ATP10B: variants seen among roughly 807,000 people sequenced by gnomAD.
ATP10B encodes the protein ATPase phospholipid transporting 10B (putative).
A neutral mutation model predicts 141.2 loss-of-function variants in ATP10B; 122 were observed. That is an observed-to-expected ratio of 0.86 (90% confidence interval 0.75 to 1.00). The LOEUF is 1.00. ATP10B is among the 50% of genes least tolerant of loss of function. The probability of loss-of-function intolerance (pLI) is 0.00; values close to 1 mark genes in which losing one functional copy is unlikely to be tolerated. For synonymous variants in ATP10B, 685 were observed against 692.0 expected (o/e 0.99, Z 0.16); for missense variants, 1,876 against 1,825.3 (o/e 1.03, Z -0.51).
intron 1 of ATP10B, among the ~76,000 whole-genome samples, chr5:160,790,398 G>C (rs1771482120): frequency 2.0e-5 from 3 of 152,082 alleles, no homozygotes; most frequent in Admixed American, 2.0e-4. Flanking sequence ...TCTTAACCCT[G>C]GTTCCCAGTT....
At chr5:160,675,187 C>G (rs1762947429) in intron 6 of ATP10B, among the ~76,000 whole-genome samples, 1 of 152,200 alleles carries the variant, frequency 6.6e-6, no homozygotes, top group Non-Finnish European at 1.5e-5. Context: ...AACAGCTGCC[C>G]CAGGTGGAAA....
intron 22 of ATP10B, 75 bp downstream of exon 22, chr5:160,598,695 C>G (rs1756900949): frequency 1.4e-6 from 2 of 1,386,624 alleles, no homozygotes; most frequent in African/African-American, 1.4e-5. Flanking sequence ...AGCTCTTTCT[C>G]TGATGCCTCC....
intron 22 of ATP10B, among the ~76,000 whole-genome samples, chr5:160,596,909 G>A (rs150362318): frequency 0.053 from 8,035 of 152,236 alleles, 348 homozygotes; most frequent in East Asian, 0.22. Flanking sequence ...CAAAGAAGTG[G>A]AAGAACATTC....
At chr5:160,927,680 T>C in the ATP10B span, among the ~76,000 whole-genome samples, 5 of 152,348 alleles carry the variant, frequency 3.3e-5, no homozygotes, top group African/African-American at 1.2e-4. Flanking sequence ...AAGCCCCTGC[T>C]ATTATTAGAG....
the ATP10B span, among the ~76,000 whole-genome samples, chr5:160,907,948 G>A: frequency 6.6e-6 from 1 of 152,160 alleles, no homozygotes; most frequent in South Asian, 2.1e-4. Flanking sequence ...CTGCGCCTCA[G>A]TGATCTTGAA....
the ATP10B span, among the ~76,000 whole-genome samples, chr5:160,898,873 T>C: frequency 6.6e-6 from 1 of 152,060 alleles, no homozygotes; most frequent in Non-Finnish European, 1.5e-5. Context: ...GAAACCATCA[T>C]TCTGAGCAAA....
At position 160,620,743 on chromosome 5, in the gene ATP10B, A is replaced by T; in HGVS notation, c.2020T>A (p.Ser674Thr). 1.2e-6 allele frequency: 2 copies of T among 1,614,156 alleles called. No homozygotes were observed. The highest frequency in any genetic ancestry group is 8.5e-7 in the Non-Finnish European group (1 of 1,180,004). The change falls in exon 15 of 26, where the codon TCC (serine) becomes ACC (threonine). Residue 674 changes from serine (S) to threonine (T), a missense_variant. By Grantham distance (58) the Ser-to-Thr change is moderately conservative. Coordinates refer to ENST00000327245, the MANE Select transcript of ATP10B (RefSeq NM_025153.3). ...DDASVCSGGD[S>T]TDDGGYRSSM... ...CTCCTGTAGCCACCGTCATCAGTGG[A>T]GTCACCTCCACTGCACACAGATGCA...
At chr5:160,597,402 G>T (rs1756784207) in intron 22 of ATP10B, among the ~76,000 whole-genome samples, 1 of 152,070 alleles carries the variant, frequency 6.6e-6, no homozygotes, top group South Asian at 2.1e-4. Flanking sequence ...ATTCAAGATG[G>T]ATTAAAGACT....
the ATP10B span, among the ~76,000 whole-genome samples, chr5:160,925,495 C>T: frequency 6.6e-6 from 1 of 152,230 alleles, no homozygotes; most frequent in Non-Finnish European, 1.5e-5. Context: ...GTGCCAGCCA[C>T]TGTAAGCCAT....
At chr5:160,868,250 T>C in the ATP10B span, among the ~76,000 whole-genome samples, 6 of 152,128 alleles carry the variant, frequency 3.9e-5, no homozygotes, top group Non-Finnish European at 5.9e-5. Flanking sequence ...TCCTGGATTC[T>C]CTGGCTTCCT....
At chr5:160,908,646 G>A in the ATP10B span, among the ~76,000 whole-genome samples, 1 of 152,178 alleles carries the variant, frequency 6.6e-6, no homozygotes, top group Non-Finnish European at 1.5e-5. Context: ...GCCCTCAGCA[G>A]GAACACAATG....
intron 6 of ATP10B, among the ~76,000 whole-genome samples, chr5:160,678,564 C>G (rs1055813524): frequency 6.6e-6 from 1 of 152,184 alleles, no homozygotes; most frequent in Non-Finnish European, 1.5e-5. Flanking sequence ...GAGGCTGAGG[C>G]AGGAGAATCC....
At chr5:160,787,105 GACACACACACACACACACAC>G (rs58517660) in intron 1 of ATP10B, among the ~76,000 whole-genome samples, 164 of 133,658 alleles carry the variant, frequency 1.2e-3, no homozygotes, top group Non-Finnish European at 1.9e-3. Context: ...TTTTGACACA[GACACACACACACACACACAC>G]ACACACACAC....
At chr5:160,636,686 C>A (rs1759402153) in intron 10 of ATP10B, among the ~76,000 whole-genome samples, 1 of 152,026 alleles carries the variant, frequency 6.6e-6, no homozygotes, top group South Asian at 2.1e-4. Context: ...TGAGACCTGT[C>A]CCCTAGTCTT....
chr5:160,587,197 A>G (rs947352752), intron 24 of ATP10B, among the ~76,000 whole-genome samples: 2 of 152,306 alleles, frequency 1.3e-5, no homozygotes, highest in South Asian at 2.1e-4. Context: ...TCCCAGTACC[A>G]TTTATTAAAT....
intron 7 of ATP10B, among the ~76,000 whole-genome samples, chr5:160,655,897 C>T (rs528444710): frequency 1.5e-4 from 23 of 152,210 alleles, no homozygotes; most frequent in East Asian, 7.7e-4. Flanking sequence ...GTTCCCAGTC[C>T]GGCTCAGATG....
intron 24 of ATP10B, among the ~76,000 whole-genome samples, chr5:160,582,662 C>T (rs1378518802): frequency 6.6e-6 from 1 of 152,132 alleles, no homozygotes; most frequent in African/African-American, 2.4e-5. Flanking sequence ...TGGATAACAT[C>T]CTGAAGAGTG....
chr5:160,569,796 C>G (rs867107729), intron 24 of ATP10B, 113 bp from the exon 25 acceptor site: 5 of 853,080 alleles, frequency 5.9e-6, no homozygotes, highest in Non-Finnish European at 8.6e-6. Flanking sequence ...GCAAAACACA[C>G]AAAATTCAAA....
intron 7 of ATP10B, among the ~76,000 whole-genome samples, chr5:160,654,232 TG>T (rs1761311539): frequency 6.6e-6 from 1 of 151,882 alleles, no homozygotes; most frequent in Non-Finnish European, 1.5e-5. Flanking sequence ...CCCACAGTGC[TG>T]GGATTACAGG....
Sources: gnomAD v4.1 joint callset for allele counts (sites outside exome capture counted in the v4.1 genomes callset) on GRCh38, gnomAD v4.1.1 for gene constraint, MANE v1.5 for transcripts, NCBI Gene and HGNC (gene_info 2026-07-23, HGNC 2026-07-21) for gene names.